The following NTM variants were observed in gnomAD, a reference collection of about 807,000 sequenced individuals.
The protein encoded by NTM is neurotrimin, also known as IgLON family member 2.
NTM carries 13 observed loss-of-function variants against 42.1 expected under a neutral mutation model. The ratio of observed to expected loss-of-function variants is 0.31; its 90% confidence interval spans 0.20 to 0.49. NTM has a LOEUF of 0.49. Among genes scored for constraint, NTM ranks in the 20% least tolerant of loss-of-function variants. The pLI, the probability that NTM is intolerant of heterozygous loss-of-function variation, is 0.99. For missense variants in NTM, 373 were observed against 452.8 expected, an observed-to-expected ratio of 0.82 and a Z score of 1.60; for synonymous variants, 187 against 179.2, an observed-to-expected ratio of 1.04 and a Z score of -0.35.
At chr11:132,135,077 T>G (rs1349199287) in intron 2 of NTM, among the ~76,000 whole-genome samples, 1 of 152,116 alleles carries the variant, frequency 6.6e-6, no homozygotes. Context: ...ATGTCCCTCG[T>G]TAGTACCTAA....
chr11:131,968,643 C>A (rs2063143143), intron 2 of NTM, among the ~76,000 whole-genome samples: 1 of 152,158 alleles, frequency 6.6e-6, no homozygotes, highest in African/African-American at 2.4e-5. Context: ...TTCTGGACTG[C>A]CCTCATGTGC....
At chr11:131,776,993 T>C (rs1447343975) in intron 1 of NTM, 11 of 253,588 alleles carry the variant, frequency 4.3e-5, no homozygotes, top group Non-Finnish European at 6.8e-5. Flanking sequence ...CAGCTGCTTC[T>C]CATCAACAAC....
intron 1 of NTM, among the ~76,000 whole-genome samples, chr11:131,474,748 A>C (rs1208639042): frequency 6.6e-6 from 1 of 151,968 alleles, no homozygotes; most frequent in Admixed American, 6.5e-5. Context: ...TCACTCTCTT[A>C]GTTATAGGGT....
At chr11:131,967,795 G>T (rs2063021691) in intron 2 of NTM, among the ~76,000 whole-genome samples, 1 of 152,164 alleles carries the variant, frequency 6.6e-6, no homozygotes, top group African/African-American at 2.4e-5. Flanking sequence ...AGGAAATAGA[G>T]ACAAGGTTTT....
At chr11:131,995,556 G>A (rs781335805) in intron 2 of NTM, among the ~76,000 whole-genome samples, 57 of 152,164 alleles carry the variant, frequency 3.7e-4, no homozygotes, top group South Asian at 4.1e-4. Flanking sequence ...CATGTGCCAA[G>A]ATCCCAAGTG....
intron 1 of NTM, among the ~76,000 whole-genome samples, chr11:131,639,116 G>A (rs58323123): frequency 0.023 from 3,503 of 152,286 alleles, 128 homozygotes; most frequent in African/African-American, 0.079. Flanking sequence ...ACCTGGCCAC[G>A]TGAGCTCACA....
chr11:132,132,344 T>A (rs920831324), intron 2 of NTM, among the ~76,000 whole-genome samples: 1 of 152,254 alleles, frequency 6.6e-6, no homozygotes, highest in Admixed American at 6.5e-5. Flanking sequence ...CCGGTGTTTG[T>A]CATTCAATTG....
intron 1 of NTM, among the ~76,000 whole-genome samples, chr11:131,394,369 C>A (rs941037822): frequency 1.3e-5 from 2 of 152,228 alleles, no homozygotes; most frequent in East Asian, 3.8e-4. Flanking sequence ...CCCTGCCCCC[C>A]AGCCTTTTGC....
chr11:131,740,438 T>C (rs2081039233), intron 1 of NTM, among the ~76,000 whole-genome samples: 2 of 152,234 alleles, frequency 1.3e-5, no homozygotes, highest in Non-Finnish European at 2.9e-5. Context: ...ATTTTATTAG[T>C]TTTAGCTTAT....
At chr11:131,927,050 C>T (rs980394313) in intron 2 of NTM, among the ~76,000 whole-genome samples, 1 of 152,126 alleles carries the variant, frequency 6.6e-6, no homozygotes, top group Non-Finnish European at 1.5e-5. Flanking sequence ...TTAATGGACT[C>T]ATAGAAATCA....
chr11:132,134,741 A>ATC (rs1566259897), intron 2 of NTM, among the ~76,000 whole-genome samples: 8 of 86,406 alleles, frequency 9.3e-5, no homozygotes, highest in South Asian at 3.6e-4. Context: ...ATATATATAT[A>ATC]TATATATATA....
intron 6 of NTM, among the ~76,000 whole-genome samples, chr11:132,311,859 A>G (rs2095290789): frequency 6.6e-6 from 1 of 152,202 alleles, no homozygotes; most frequent in Non-Finnish European, 1.5e-5. Flanking sequence ...TCTGTGCAGC[A>G]TCTCTGGTCA....
intron 2 of NTM, among the ~76,000 whole-genome samples, chr11:132,013,100 A>G (rs2072595377): frequency 6.6e-6 from 1 of 151,618 alleles, no homozygotes; most frequent in African/African-American, 2.4e-5. Context: ...CGAATCACTG[A>G]CATGTAGTAA....
At chr11:131,496,548 C>A (rs749306816) in intron 1 of NTM, among the ~76,000 whole-genome samples, 1 of 152,242 alleles carries the variant, frequency 6.6e-6, no homozygotes, top group Non-Finnish European at 1.5e-5. Context: ...TCATCCCCTT[C>A]ATTGCTCCCC....
At chr11:132,122,737 G>T (rs2065046586) in intron 2 of NTM, among the ~76,000 whole-genome samples, 3 of 152,144 alleles carry the variant, frequency 2.0e-5, no homozygotes, top group Non-Finnish European at 2.9e-5. Flanking sequence ...CTCAGCCAGG[G>T]ACTCACCCCT....
intron 1 of NTM, among the ~76,000 whole-genome samples, chr11:131,572,596 C>T (rs1229011712): frequency 2.0e-5 from 3 of 152,042 alleles, no homozygotes; most frequent in Non-Finnish European, 2.9e-5. Context: ...TGACTGTGCG[C>T]GCATTGAAAG....
At chr11:132,088,103 G>A (rs2059953712) in intron 2 of NTM, among the ~76,000 whole-genome samples, 1 of 152,212 alleles carries the variant, frequency 6.6e-6, no homozygotes, top group African/African-American at 2.4e-5. Flanking sequence ...CACACCTGTG[G>A]CCATTGGGAT....
chr11:132,126,860 G>A (rs879259268), intron 2 of NTM, among the ~76,000 whole-genome samples: 1 of 152,130 alleles, frequency 6.6e-6, no homozygotes, highest in Non-Finnish European at 1.5e-5. Context: ...TCTGTGACCC[G>A]CAAAGCGTGG....
At chr11:131,482,508 G>A (rs1351786603) in intron 1 of NTM, among the ~76,000 whole-genome samples, 1 of 152,180 alleles carries the variant, frequency 6.6e-6, no homozygotes, top group Non-Finnish European at 1.5e-5. Flanking sequence ...GTCCCTGGGT[G>A]AGCTGGAATA....
Sources: gnomAD v4.1 joint callset for allele counts (sites outside exome capture counted in the v4.1 genomes callset) on GRCh38, gnomAD v4.1.1 for gene constraint, MANE v1.5 for transcripts, NCBI Gene and HGNC (gene_info 2026-07-23, HGNC 2026-07-21) for gene names.